The following SPMIP7 variants were observed in gnomAD, a reference collection of about 807,000 sequenced individuals.
SPMIP7 encodes the protein protein SPMIP7.
At chr7:50,133,328 C>CATTA in the SPMIP7 span, among the ~76,000 whole-genome samples, 1 of 152,066 alleles carries the variant, frequency 6.6e-6, no homozygotes, top group African/African-American at 2.4e-5. Flanking sequence ...AATTTGGCTG[C>CATTA]ATTAGTGTGG....
At chr7:50,155,432 G>A in the SPMIP7 span, among the ~76,000 whole-genome samples, 4 of 152,198 alleles carry the variant, frequency 2.6e-5, no homozygotes, top group African/African-American at 9.7e-5. Flanking sequence ...TCCAAAGAGA[G>A]TGGGATGAAA....
the SPMIP7 span, chr7:50,129,903 AC>A: frequency 2.9e-6 from 2 of 684,252 alleles, no homozygotes; most frequent in Non-Finnish European, 5.0e-6. Context: ...GACACAGAGG[AC>A]ATCAAACGCA....
the SPMIP7 span, chr7:50,134,383 TATAC>T: frequency 6.4e-5 from 37 of 578,712 alleles, no homozygotes; most frequent in South Asian, 2.0e-4. Context: ...AGTAAATATA[TATAC>T]ACACACACAC....
the SPMIP7 span, among the ~76,000 whole-genome samples, chr7:50,155,150 C>G: frequency 6.6e-6 from 1 of 152,206 alleles, no homozygotes; most frequent in African/African-American, 2.4e-5. Context: ...GCCTTTTCAT[C>G]TTGCTGATTG....
the SPMIP7 span, among the ~76,000 whole-genome samples, chr7:50,114,160 G>C: frequency 6.6e-6 from 1 of 152,078 alleles, no homozygotes; most frequent in Admixed American, 6.6e-5. Context: ...AATTTCTTTA[G>C]ACAGAAGAAA....
At chr7:50,142,512 T>C in the SPMIP7 span, 2 of 152,262 alleles carry the variant, frequency 1.3e-5, no homozygotes, top group Non-Finnish European at 2.9e-5. Flanking sequence ...ATTTGGGCAC[T>C]AGAGGGCCTC....
the SPMIP7 span, among the ~76,000 whole-genome samples, chr7:50,143,894 G>A: frequency 6.6e-6 from 1 of 152,068 alleles, no homozygotes; most frequent in Admixed American, 6.6e-5. Flanking sequence ...ATAATTATGG[G>A]TACATGTTTT....
the SPMIP7 span, among the ~76,000 whole-genome samples, chr7:50,156,800 T>C: frequency 6.6e-6 from 1 of 152,130 alleles, no homozygotes; most frequent in Non-Finnish European, 1.5e-5. Context: ...CTCTCCCAGC[T>C]GGCCAGTTGT....
chr7:50,096,548 A>C, the SPMIP7 span: 1 of 1,551,996 alleles, frequency 6.4e-7, no homozygotes, highest in Non-Finnish European at 8.7e-7. Flanking sequence ...AACAATAAAA[A>C]GGCAAAAAAT....
At chr7:50,128,542 G>A in the SPMIP7 span, among the ~76,000 whole-genome samples, 1,160 of 152,000 alleles carry the variant, frequency 7.6e-3, 13 homozygotes, top group Middle Eastern at 0.044. Context: ...GATTTTTACA[G>A]ATTATATGAA....
the SPMIP7 span, among the ~76,000 whole-genome samples, chr7:50,125,399 CAT>C: frequency 7.0e-6 from 1 of 142,468 alleles, no homozygotes; most frequent in African/African-American, 2.7e-5. Flanking sequence ...TATATATATA[CAT>C]ATATATATAA....
the SPMIP7 span, chr7:50,140,252 C>T: frequency 7.1e-5 from 60 of 846,130 alleles, no homozygotes; most frequent in Non-Finnish European, 9.5e-5. Flanking sequence ...TTTCAGCTCA[C>T]GCATGTTGTA....
At chr7:50,151,682 C>G in the SPMIP7 span, 1 of 677,018 alleles carries the variant, frequency 1.5e-6, no homozygotes, top group Non-Finnish European at 2.3e-6. Context: ...AAAAATGTGG[C>G]ATCAAGTCCG....
At chr7:50,103,636 T>G in the SPMIP7 span, among the ~76,000 whole-genome samples, 3 of 152,182 alleles carry the variant, frequency 2.0e-5, no homozygotes, top group Admixed American at 6.5e-5. Flanking sequence ...CTTCCTCTAC[T>G]TCTCCTTTTT....
At chr7:50,139,722 A>G in the SPMIP7 span, among the ~76,000 whole-genome samples, 1 of 152,220 alleles carries the variant, frequency 6.6e-6, no homozygotes, top group Non-Finnish European at 1.5e-5. Context: ...AAGAGCTCAC[A>G]CAAAGACCTA....
At chr7:50,097,683 T>TA in the SPMIP7 span, among the ~76,000 whole-genome samples, 3,902 of 142,148 alleles carry the variant, frequency 0.027, 80 homozygotes, top group Middle Eastern at 0.044. Flanking sequence ...CATTTTATGT[T>TA]AAAAAAAAAA....
the SPMIP7 span, among the ~76,000 whole-genome samples, chr7:50,115,136 A>G: frequency 6.6e-6 from 1 of 152,198 alleles, no homozygotes; most frequent in Non-Finnish European, 1.5e-5. Flanking sequence ...TATATCATTC[A>G]AAAACTAGTC....
the SPMIP7 span, among the ~76,000 whole-genome samples, chr7:50,123,789 T>C: frequency 7.1e-6 from 1 of 141,374 alleles, no homozygotes; most frequent in Admixed American, 7.1e-5. Flanking sequence ...ATTTAAATAA[T>C]TCCCAAAAAG....
chr7:50,102,974 T>A, the SPMIP7 span, among the ~76,000 whole-genome samples: 3 of 148,134 alleles, frequency 2.0e-5, no homozygotes, highest in African/African-American at 2.5e-5. Context: ...TATATATATA[T>A]AAAATGTATA....
Sources: gnomAD v4.1 joint callset for allele counts (sites outside exome capture counted in the v4.1 genomes callset) on GRCh38, gnomAD v4.1.1 for gene constraint, MANE v1.5 for transcripts, NCBI Gene and HGNC (gene_info 2026-07-23, HGNC 2026-07-21) for gene names.